Variants in DUSP12 observed in about 807,000 individuals in gnomAD.
The protein encoded by DUSP12 is dual specificity phosphatase 12, also known as dual specificity protein phosphatase 12.
Under a neutral mutation model 38.9 loss-of-function variants are expected in DUSP12, and 25 were observed. The observed-to-expected ratio is 0.64, with a 90% CI of 0.47 to 0.90. DUSP12 has a LOEUF of 0.90. Among genes scored for constraint, DUSP12 ranks in the 40% least tolerant of loss-of-function variants. The probability of loss-of-function intolerance (pLI) is 0.00; values close to 1 mark genes in which losing one functional copy is unlikely to be tolerated. For synonymous variants in DUSP12, 153 were observed against 153.9 expected, an observed-to-expected ratio of 0.99 and a Z score of 0.05; for missense variants, 403 against 427.0, an observed-to-expected ratio of 0.94 and a Z score of 0.50.
intron 1 of DUSP12, among the ~76,000 whole-genome samples, chr1:161,750,847 C>G (rs1388857907): frequency 6.6e-6 from 1 of 152,028 alleles, no homozygotes; most frequent in African/African-American, 2.4e-5. Context: ...ATCACTTGAA[C>G]CTGGGAGGCG....
In DUSP12 at chr1:161,749,877, C is replaced by A; in HGVS notation, c.76C>A (p.Gln26Lys). 6.2e-7 allele frequency: 1 copy of A among 1,612,066 alleles called. No individual in the cohort carries two copies. Among genetic ancestry groups the A allele is most frequent in the Middle Eastern group, 1.7e-4 (1 of 5,990 alleles). ...PSASRVSCAG[Q>K]MLEVQPGLYF... Reference sequence around the variant, plus strand: ...CGCCAGCAGAGTCAGCTGTGCCGGGCAGATGCTGGAAGTGCAGCCAGGATT... The same window carrying A: ...CGCCAGCAGAGTCAGCTGTGCCGGGAAGATGCTGGAAGTGCAGCCAGGATT... Residue 26 changes from glutamine to lysine, a missense_variant, in exon 1 of 6, where the codon CAG (glutamine) becomes AAG (lysine). Physicochemically the swap from Gln to Lys is moderately conservative, Grantham distance 53. Coordinates refer to ENST00000367943, the MANE Select transcript of DUSP12 (RefSeq NM_007240.3).
At position 161,752,326 on chromosome 1, in the gene DUSP12, G is replaced by A. The variant is rs576197462; in HGVS notation, c.578-42G>A. 72 of 1,401,838 alleles carry A rather than the reference G, an allele frequency of 5.1e-5. No homozygotes were observed. In the South Asian group the frequency reaches 8.3e-4, roughly 16 times the overall value. The allele number at this position is 1,401,838 out of a possible 1,614,324, so 86.8% of individuals were successfully genotyped here. On this transcript the variant is annotated intron_variant, in intron 3 of 5. Coordinates refer to ENST00000367943, the MANE Select transcript of DUSP12 (RefSeq NM_007240.3). ...AACTGAATTTATCTGAAAATGCAGA[G>A]TTGATTTTGACAAATAAATACATTT...
intron 5 of DUSP12, among the ~76,000 whole-genome samples, chr1:161,754,448 G>C (rs886402944): frequency 6.6e-6 from 1 of 152,058 alleles, no homozygotes; most frequent in Non-Finnish European, 1.5e-5. Context: ...TGCAACCATC[G>C]TGTATTAGTC....
chr1:161,754,932 G>T (rs1684087565), intron 5 of DUSP12, among the ~76,000 whole-genome samples: 1 of 152,176 alleles, frequency 6.6e-6, no homozygotes, highest in Non-Finnish European at 1.5e-5. Flanking sequence ...CCGGGTTCAA[G>T]TGATTCTCCT....
chr1:161,756,416 A>G (rs1684108888), intron 5 of DUSP12, among the ~76,000 whole-genome samples: 1 of 150,458 alleles, frequency 6.6e-6, no homozygotes, highest in Admixed American at 6.7e-5. Flanking sequence ...AAATCCTAAC[A>G]TGCTTTTCTA....
Position 161,751,896 on chromosome 1 carries a change from A to C in DUSP12, c.489A>C (p.Lys163Asn), listed in dbSNP as rs1684026488. 1.9e-6 allele frequency: 3 copies of C among 1,613,216 alleles called. No homozygotes were observed. Among genetic ancestry groups the C allele is most frequent in the Non-Finnish European group, 2.5e-6 (3 of 1,179,644 alleles). The change falls in exon 3 of 6, where the codon AAA becomes AAC. Residue 163 changes from lysine to asparagine, a missense_variant. Transcript: ENST00000367943. ...KMNEGFEWQL[K>N]LYQAMGYEVD... Reference sequence around the variant, plus strand: ...ATGAGGGGTTTGAGTGGCAACTGAAATTATACCAGGCAATGGGATACGAAG... The same window carrying C: ...ATGAGGGGTTTGAGTGGCAACTGAACTTATACCAGGCAATGGGATACGAAG...
In DUSP12 at chr1:161,750,112, C is replaced by T; in HGVS notation, c.311C>T (p.Ala104Val). Reference protein sequence around the residue: ...LDRCVAFIGQARAEGRAVLVH... With the variant: ...LDRCVAFIGQVRAEGRAVLVH... ...CGGTGCGTGGCCTTCATCGGTCAGG[C>T]CCGCGCTGAGGGCCGTGCGGTGTTG... Residue 104 changes from alanine (A) to valine (V), a missense_variant, in exon 1 of 6, where the codon GCC becomes GTC. By Grantham distance (64) the Ala-to-Val change is moderately conservative. Coordinates refer to ENST00000367943, the MANE Select transcript of DUSP12 (RefSeq NM_007240.3). 1.2e-6 allele frequency: 2 copies of T among 1,613,774 alleles called. No homozygotes were observed.
rs1683989266 is a variant in DUSP12, at chr1:161,750,010, CT to C, written c.210del (p.Val72SerfsTer54). 6.2e-7 allele frequency: 1 copy of C among 1,614,070 alleles called. No homozygotes were observed. Among genetic ancestry groups the C allele is most frequent in the South Asian group, 1.1e-5 (1 of 91,088 alleles). ...GAGGAGCCCAGCTTCAAGGCGGGGC[CT>C]GGGGTCGAGGATCTATGGCGCCTCT... ...DSEEPSFKAG[P>X]GVEDLWRLFV... is the part of the protein sequence containing the mutation. On this transcript the variant is annotated frameshift_variant, in exon 1 of 6. Coordinates refer to ENST00000367943, the MANE Select transcript of DUSP12 (RefSeq NM_007240.3). LOFTEE classifies it high-confidence loss of function.
intron 5 of DUSP12, among the ~76,000 whole-genome samples, chr1:161,754,016 G>C (rs1481318646): frequency 4.6e-5 from 7 of 152,166 alleles, no homozygotes; most frequent in African/African-American, 7.2e-5. Flanking sequence ...ACATAAAAAA[G>C]TGTTTAACTT....
At chr1:161,753,780 GTAAATCAGGGA>G (rs1252662794) in intron 5 of DUSP12, among the ~76,000 whole-genome samples, 8 of 152,084 alleles carry the variant, frequency 5.3e-5, no homozygotes, top group Non-Finnish European at 8.8e-5. Context: ...ACAAGATAGG[GTAAATCAGGGA>G]TTTTAAAATT....
intron 5 of DUSP12, among the ~76,000 whole-genome samples, chr1:161,755,709 AC>A (rs1684097094): frequency 6.6e-6 from 1 of 151,954 alleles, no homozygotes; most frequent in South Asian, 2.1e-4. Flanking sequence ...CATTTGTAGG[AC>A]CTCTATATAT....
intron 4 of DUSP12, 77 bp from the exon 5 acceptor site, chr1:161,752,998 A>G: frequency 6.9e-7 from 1 of 1,455,464 alleles, no homozygotes; most frequent in East Asian, 2.3e-5. Flanking sequence ...TCAAAAAAAA[A>G]AGAAATACCG....
At position 161,756,867 on chromosome 1, in the gene DUSP12, C is replaced by T; in HGVS notation, c.943C>T (p.Pro315Ser). 2 of 1,613,830 alleles carry T rather than the reference C, an allele frequency of 1.2e-6. No homozygotes were observed. Among genetic ancestry groups the T allele is most frequent in the Non-Finnish European group, 1.7e-6 (2 of 1,179,816 alleles). ...EQCSCGRWIT[P>S]AFQIHKNRVD... ...GTGCTCTTGTGGTAGGTGGATAACA[C>T]CTGCTTTTCAAATACATAAGAATAG... Residue 315 changes from proline to serine, a missense_variant, in exon 6 of 6, where the codon CCT (proline) becomes TCT (serine). By Grantham distance (74) the Pro-to-Ser change is moderately conservative. Transcript: ENST00000367943.
chr1:161,753,025 T>C lies in DUSP12; in HGVS notation c.675-50T>C, dbSNP rs771089332. 6 of 1,516,988 alleles carry C rather than the reference T, an allele frequency of 4.0e-6. No individual in the cohort carries two copies. In the East Asian group the frequency reaches 1.4e-4, roughly 35 times the overall value. The allele number at this position is 1,516,988 out of a possible 1,614,324, so 94.0% of individuals were successfully genotyped here. ...GAAATACCGCACATTTCATCCATGT[T>C]TTCATCCTTTTGGAAGTCATTAATG... On this transcript the variant is annotated intron_variant, in intron 4 of 5. Transcript: ENST00000367943.
At position 161,752,477 on chromosome 1, in the gene DUSP12, A is replaced by T. The variant is rs2101694539; in HGVS notation, c.674+13A>T. 5 of 1,548,558 alleles carry T rather than the reference A, an allele frequency of 3.2e-6. No homozygotes were observed. The highest frequency in any genetic ancestry group is 1.7e-4 in the Middle Eastern group (1 of 5,906). On this transcript the variant is annotated intron_variant, in intron 4 of 5. Coordinates refer to ENST00000367943, the MANE Select transcript of DUSP12 (RefSeq NM_007240.3). ...GTAGAAAGTGCAGGTAAACTATTTT[A>T]TATCCTTTGGATATTTTATCTTGTC...
chr1:161,753,447 C>A, intron 5 of DUSP12, 186 bp downstream of exon 5: 1 of 418,436 alleles, frequency 2.4e-6, no homozygotes, highest in Non-Finnish European at 4.0e-6. Flanking sequence ...CCAGCTGATC[C>A]AACATAGTGA....
rs1193975972 is a variant in DUSP12 at position 161,753,085 on chromosome 1, T to G, written c.685T>G (p.Phe229Val). 2 of 1,601,670 alleles carry G rather than the reference T, an allele frequency of 1.2e-6. No homozygotes were observed. Among genetic ancestry groups the G allele is most frequent in the African/African-American group, 2.7e-5 (2 of 74,258 alleles). The change falls in exon 5 of 6, where the codon TTT (phenylalanine) becomes GTT (valine). Residue 229 changes from phenylalanine to valine, a missense_variant. Phe to Val is a conservative substitution (Grantham distance 50). Coordinates refer to ENST00000367943, the MANE Select transcript of DUSP12 (RefSeq NM_007240.3). The part of the protein sequence containing the change: ...YKCRKCRRSL[F>V]RSSSILDHRE... ...GTTTGGGGGTTGCAGGCGATCATTA[T>G]TTCGAAGTTCTAGTATTCTGGATCA...
rs901188437 is a variant in DUSP12, at chr1:161,757,043, T to G, written c.*96T>G. On this transcript the variant is annotated 3_prime_UTR_variant, in exon 6 of 6. Coordinates refer to ENST00000367943, the MANE Select transcript of DUSP12 (RefSeq NM_007240.3). ...GCAGATTGTTTGTGCTTTCAACATT[T>G]CATTTGAAATGGGAGAAGATAAAAT... 34 of 1,191,218 alleles carry G rather than the reference T, an allele frequency of 2.9e-5. No homozygotes were observed. Among genetic ancestry groups the G allele is most frequent in the Non-Finnish European group, 3.6e-5 (31 of 863,576 alleles). The allele number at this position is 1,191,218 out of a possible 1,614,324, so 73.8% of individuals were successfully genotyped here.
intron 5 of DUSP12, 95 bp downstream of exon 5, chr1:161,753,356 C>A (rs1684057783): frequency 2.9e-6 from 3 of 1,019,710 alleles, no homozygotes; most frequent in Non-Finnish European, 4.1e-6. Context: ...TGTTTTGCTC[C>A]ATTTCTTAAT....
Sources: allele counts gnomAD v4.1 joint callset (sites outside exome capture counted in the v4.1 genomes callset), GRCh38; gene constraint gnomAD v4.1.1; transcripts MANE v1.5; gene names NCBI Gene and HGNC (gene_info 2026-07-23, HGNC 2026-07-21).